PCDH19: variants seen among roughly 807,000 people sequenced by gnomAD.
PCDH19 encodes protocadherin 19.
PCDH19 carries 6 observed loss-of-function variants against 46.2 expected under a neutral mutation model. That is an observed-to-expected ratio of 0.13 (90% CI 0.07 to 0.26). The LOEUF is 0.26. Ranked by LOEUF, PCDH19 falls within the 10% of genes least tolerant of loss-of-function variation. The probability of loss-of-function intolerance (pLI) is 1.00; values close to 1 mark genes in which losing one functional copy is unlikely to be tolerated. For missense variants in PCDH19, 740 were observed against 972.3 expected, an observed-to-expected ratio of 0.76 and a Z score of 3.18; for synonymous variants, 481 against 415.7, an observed-to-expected ratio of 1.16 and a Z score of -1.91.
At chrX:100,347,760 T>C (rs1335323816) in intron 4 of PCDH19, among the ~76,000 whole-genome samples, 3 of 110,532 alleles carry the variant, frequency 2.7e-5, no homozygotes, top group African/African-American at 6.6e-5. Context: ...GAAGAGAACA[T>C]GGATAGAAAA....
chrX:100,364,478 CCAT>C (rs1228343189), intron 3 of PCDH19, among the ~76,000 whole-genome samples: 1 of 112,004 alleles, frequency 8.9e-6, no homozygotes, highest in Non-Finnish European at 1.9e-5. Flanking sequence ...TAGAACATTT[CCAT>C]CATCACAGAA....
chrX:100,350,246 G>T (rs1210516822), intron 4 of PCDH19, among the ~76,000 whole-genome samples: 1 of 111,456 alleles, frequency 9.0e-6, no homozygotes, highest in Non-Finnish European at 1.9e-5. Context: ...GATTGTGAAA[G>T]TTTTCTATTG....
At chrX:100,388,974 A>T (rs1683332629) in intron 3 of PCDH19, among the ~76,000 whole-genome samples, 2 of 111,289 alleles carry the variant, frequency 1.8e-5, no homozygotes, top group Admixed American at 1.9e-4. Context: ...ATATTTTTAT[A>T]TATCTATTGG....
chrX:100,296,481 C>T lies in PCDH19; in HGVS notation c.3243G>A (p.Val1081=), dbSNP rs1197518412. 8.3e-7 allele frequency: 1 copy of T among 1,211,346 alleles called. No homozygotes were observed. Among genetic ancestry groups the T allele is most frequent in the Admixed American group, 2.2e-5 (1 of 46,032 alleles). ...LKSSLPTKPS[V]SYTIALAPPA... ...GGGGAGCCAGGGCAATGGTGTAAGA[C>T]ACGGAAGGCTTGGTGGGCAGAGAGC... Residue 1081 remains valine, a synonymous_variant, in exon 6 of 6, where the codon GTG becomes GTA. Transcript: ENST00000373034.
At chrX:100,307,648 T>G (rs992725816) in intron 5 of PCDH19, among the ~76,000 whole-genome samples, 9 of 111,116 alleles carry the variant, frequency 8.1e-5, no homozygotes, top group African/African-American at 2.9e-4. Flanking sequence ...TAGAAAACCC[T>G]AACGAGTCAT....
In PCDH19 at chrX:100,293,856, C is replaced by T. The variant is rs1039463418; in HGVS notation, c.*2421G>A. On this transcript the variant is annotated 3_prime_UTR_variant, in exon 6 of 6. Transcript: ENST00000373034. Reference sequence around the variant, plus strand: ...AAAATCAATGCCAATGCCACTCTAACCATTTAAAACTTGGCTGGTAAGAGG... The same window carrying T: ...AAAATCAATGCCAATGCCACTCTAATCATTTAAAACTTGGCTGGTAAGAGG... 9.0e-6 allele frequency: 1 copy of T among 111,705 alleles called. No individual in the cohort carries two copies. Among genetic ancestry groups the T allele is most frequent in the African/African-American group, 3.3e-5 (1 of 30,700 alleles). The allele number at this position is 111,705 out of a possible 1,213,427, so 9.2% of individuals were successfully genotyped here.
chrX:100,408,821 C>T lies in PCDH19; in HGVS notation c.-224G>A, dbSNP rs1420574782. The T allele has an allele frequency of 7.8e-6, 1 of 128,294 alleles. No homozygotes were observed. The allele number at this position is 128,294 out of a possible 1,213,427, so 10.6% of individuals were successfully genotyped here. ...GGACGCGGCGGGGGCTCGCGGGGGC[C>T]CCGGGGGCTCCGAGGGGCCAAGGGA... On this transcript the variant is annotated 5_prime_UTR_variant, in exon 1 of 6. Transcript: ENST00000373034.
At chrX:100,319,702 G>C (rs1437631111) in intron 5 of PCDH19, among the ~76,000 whole-genome samples, 1 of 112,074 alleles carries the variant, frequency 8.9e-6, no homozygotes, top group African/African-American at 3.2e-5. Flanking sequence ...TCTGGCCATG[G>C]GATTTGGTAG....
intron 5 of PCDH19, among the ~76,000 whole-genome samples, chrX:100,323,722 T>TA (rs1365539289): frequency 9.1e-6 from 1 of 110,496 alleles, no homozygotes; most frequent in African/African-American, 3.3e-5. Context: ...AAATAAGCCA[T>TA]AAAAATCTTC....
intron 3 of PCDH19, among the ~76,000 whole-genome samples, chrX:100,363,717 TA>T (rs1183420160): frequency 7.0e-5 from 7 of 100,015 alleles, no homozygotes; most frequent in Admixed American, 1.2e-4. Context: ...ATTTTATATA[TA>T]ATATATTTAT....
Position 100,408,704 on chromosome X carries a change from G to C in PCDH19, c.-107C>G. The C allele has an allele frequency of 2.8e-6, 2 of 718,853 alleles. No homozygotes were observed. The highest frequency in any genetic ancestry group is 4.0e-6 in the Non-Finnish European group (2 of 495,390). 59.2% of individuals were successfully genotyped at this position (718,853 alleles called of 1,213,427 possible). A position where few individuals can be genotyped will look rare whatever the true frequency, so the allele number is the denominator to read the frequency against. On this transcript the variant is annotated 5_prime_UTR_variant, in exon 1 of 6. Transcript: ENST00000373034. ...TCGGGCCGCCTGTTGCGCGCGCCCC[G>C]TGGCCCCGGAGGCCGCGGGAGAAGT...
chrX:100,308,196 G>A (rs1276979441), intron 5 of PCDH19, among the ~76,000 whole-genome samples: 7 of 111,160 alleles, frequency 6.3e-5, no homozygotes, highest in African/African-American at 2.0e-4. Context: ...AAATAAGTAC[G>A]TAGGCCAATG....
intron 5 of PCDH19, among the ~76,000 whole-genome samples, chrX:100,319,552 A>G (rs1925411976): frequency 8.9e-6 from 1 of 112,034 alleles, no homozygotes. Context: ...CTCCTCGTAG[A>G]TCAGCATCTC....
At chrX:100,314,160 G>A (rs1214581543) in intron 5 of PCDH19, among the ~76,000 whole-genome samples, 3 of 111,679 alleles carry the variant, frequency 2.7e-5, no homozygotes, top group African/African-American at 9.8e-5. Flanking sequence ...GTAGGGAAAC[G>A]AACTGTTTGA....
At chrX:100,306,480 CA>C (rs1924949432) in intron 5 of PCDH19, among the ~76,000 whole-genome samples, 1 of 110,996 alleles carries the variant, frequency 9.0e-6, no homozygotes, top group African/African-American at 3.3e-5. Flanking sequence ...CAAAAATAGA[CA>C]ATCTAAGGTC....
intron 3 of PCDH19, among the ~76,000 whole-genome samples, chrX:100,364,324 C>T (rs1300000871): frequency 1.8e-5 from 2 of 111,681 alleles, no homozygotes; most frequent in Non-Finnish European, 3.8e-5. Context: ...TGTCCAATAG[C>T]ATAGACATTA....
chrX:100,368,493 G>A (rs1035186721), intron 3 of PCDH19, among the ~76,000 whole-genome samples: 1 of 111,538 alleles, frequency 9.0e-6, no homozygotes, highest in South Asian at 3.8e-4. Context: ...TAAGGATGTG[G>A]ATTTTATGCT....
At position 100,406,794 on chromosome X, in the gene PCDH19, G is replaced by T. The variant is rs1928365677; in HGVS notation, c.1804C>A (p.Arg602=). Residue 602 remains arginine, a synonymous_variant, in exon 1 of 6, where the codon CGA becomes AGA. Transcript: ENST00000373034. The part of the protein sequence containing the change: ...AEDYDEGENG[R]VTYDMTEGDR... ...CCCTCGGTCATGTCGTAGGTGACTC[G>T]GCCATTTTCGCCCTCATCGTAGTCT... The T allele has an allele frequency of 8.3e-7, 1 of 1,210,026 alleles. No individual in the cohort carries two copies. The highest frequency in any genetic ancestry group is 2.2e-5 in the Admixed American group (1 of 45,805).
rs1224547779 is a variant in PCDH19, at chrX:100,410,095, G to A, written c.-1498C>T. ...TGAAATCGCTCAGCCGGAATGCTGC[G>A]GAGCGCAACGCGCCAAGGGCCAGCG... On this transcript the variant is annotated 5_prime_UTR_variant, in exon 1 of 6. Coordinates refer to ENST00000373034, the MANE Select transcript of PCDH19 (RefSeq NM_001184880.2). 1.4e-5 allele frequency: 4 copies of A among 295,699 alleles called. No homozygotes were observed. The highest frequency in any genetic ancestry group is 1.2e-4 in the Admixed American group (2 of 16,280). 24.4% of individuals were successfully genotyped at this position (295,699 alleles called of 1,213,427 possible).
Sources: allele counts gnomAD v4.1 joint callset (sites outside exome capture counted in the v4.1 genomes callset), GRCh38; gene constraint gnomAD v4.1.1; transcripts MANE v1.5; gene names NCBI Gene and HGNC (gene_info 2026-07-23, HGNC 2026-07-21).